CFAP47: variants seen among roughly 807,000 people sequenced by gnomAD.
CFAP47 encodes cilia and flagella associated protein 47, also known as cilia- and flagella-associated protein 47.
Under a neutral mutation model 148.1 loss-of-function variants are expected in CFAP47, and 29 were observed. The ratio of observed to expected loss-of-function variants is 0.20; its 90% CI spans 0.15 to 0.27. The LOEUF (loss-of-function observed/expected upper bound fraction) is 0.27. Among genes scored for constraint, CFAP47 ranks in the 10% least tolerant of loss-of-function variants. CFAP47 has a pLI of 1.00. For missense variants in CFAP47, 1,872 were observed against 1,697.5 expected (o/e 1.10, Z -1.81); for synonymous variants, 664 against 577.3 (o/e 1.15, Z -2.15).
At chrX:36,009,699 G>A (rs1330543632) in intron 21 of CFAP47, among the ~76,000 whole-genome samples, 1 of 111,934 alleles carries the variant, frequency 8.9e-6, no homozygotes, top group African/African-American at 3.3e-5. Flanking sequence ...AATTGGCAGT[G>A]GTACAGCCAG....
Position 36,104,670 on chromosome X carries a change from A to T in CFAP47, c.5299A>T (p.Ile1767Leu). 2.3e-6 allele frequency: 2 copies of T among 870,834 alleles called. No individual in the cohort carries two copies. The highest frequency in any genetic ancestry group is 3.9e-5 in the African/African-American group (2 of 50,727). The allele number at this position is 870,834 out of a possible 1,213,427, so 71.8% of individuals were successfully genotyped here. A position where few individuals can be genotyped will look rare whatever the true frequency, so the allele number is the denominator to read the frequency against. ...NINYENTRHV[I>L]WKNCHKDVIP... Reference sequence around the variant, plus strand: ...AAATTATGAGAATACTCGACATGTGATATGGAAAAACTGTCACAAAGGTGA... The same window carrying T: ...AAATTATGAGAATACTCGACATGTGTTATGGAAAAACTGTCACAAAGGTGA... Residue 1767 changes from isoleucine to leucine, a missense_variant, in exon 33 of 64, where the codon ATA (isoleucine) becomes TTA (leucine). Transcript: ENST00000378653.
chrX:36,323,302 GCTAAA>G (rs1435913010), intron 57 of CFAP47, among the ~76,000 whole-genome samples: 2 of 108,716 alleles, frequency 1.8e-5, no homozygotes, highest in Non-Finnish European at 3.8e-5. Context: ...GAAATACTTG[GCTAAA>G]CAAAGTTTAT....
intron 47 of CFAP47, among the ~76,000 whole-genome samples, chrX:36,236,353 C>G (rs868970705): frequency 1.8e-5 from 2 of 111,943 alleles, no homozygotes; most frequent in Middle Eastern, 4.9e-3. Flanking sequence ...CTTTTCCTTC[C>G]TATTCATTAA....
At chrX:35,991,770 T>C (rs778691405) in intron 16 of CFAP47, 51 bp from the exon 17 acceptor site, 9 of 289,675 alleles carry the variant, frequency 3.1e-5, no homozygotes, top group African/African-American at 2.5e-4. Flanking sequence ...ACAAAGTATT[T>C]TATTTACCAT....
At chrX:36,137,896 A>G in intron 33 of CFAP47, 62 bp from the exon 34 acceptor site, 1 of 468,498 alleles carries the variant, frequency 2.1e-6, no homozygotes, top group East Asian at 3.9e-5. Context: ...TCAAATTTCC[A>G]TAGGTATCTT....
intron 57 of CFAP47, among the ~76,000 whole-genome samples, chrX:36,341,666 T>G (rs1442996961): frequency 2.7e-5 from 3 of 110,684 alleles, no homozygotes; most frequent in Non-Finnish European, 5.7e-5. Context: ...AATAGCAGTT[T>G]TAAATATACA....
chrX:36,218,624 A>G (rs782657162), intron 45 of CFAP47, among the ~76,000 whole-genome samples: 1 of 111,818 alleles, frequency 8.9e-6, no homozygotes, highest in African/African-American at 3.2e-5. Context: ...AACTCTGTGA[A>G]ATATTTAAAG....
At chrX:35,945,489 A>G (rs189812195) in intron 3 of CFAP47, among the ~76,000 whole-genome samples, 6 of 111,117 alleles carry the variant, frequency 5.4e-5, no homozygotes, top group Admixed American at 4.8e-4. Flanking sequence ...AGTTTTCTCA[A>G]ACTTAACAGC....
chrX:36,181,492 A>C (rs1939749636), intron 40 of CFAP47, among the ~76,000 whole-genome samples: 1 of 111,993 alleles, frequency 8.9e-6, no homozygotes, highest in Non-Finnish European at 1.9e-5. Context: ...AATATAGCTT[A>C]AGAAGTGTGC....
intron 2 of CFAP47, among the ~76,000 whole-genome samples, chrX:35,933,243 G>A (rs961596047): frequency 5.1e-5 from 5 of 98,536 alleles, no homozygotes; most frequent in Non-Finnish European, 1.0e-4. Flanking sequence ...CCTAGCCTCT[G>A]GTAACCATCC....
intron 49 of CFAP47, among the ~76,000 whole-genome samples, chrX:36,270,987 G>A (rs912451748): frequency 7.2e-5 from 8 of 110,387 alleles, no homozygotes; most frequent in Non-Finnish European, 1.3e-4. Context: ...CATCAGCCAT[G>A]TAATTTTGTT....
chrX:36,133,238 T>A (rs192601828), intron 33 of CFAP47, among the ~76,000 whole-genome samples: 1 of 111,231 alleles, frequency 9.0e-6, no homozygotes. Flanking sequence ...CTAAAGTGAG[T>A]CTGGAGAATG....
chrX:36,072,423 A>G (rs909554165), intron 28 of CFAP47, among the ~76,000 whole-genome samples: 4 of 112,177 alleles, frequency 3.6e-5, no homozygotes, highest in Non-Finnish European at 7.5e-5. Context: ...TTCGTTGTCT[A>G]ACTAACTGTA....
chrX:36,159,608 T>C (rs1939406177), intron 38 of CFAP47, 32 bp downstream of exon 38: 2 of 296,130 alleles, frequency 6.8e-6, no homozygotes, highest in Non-Finnish European at 1.2e-5. Flanking sequence ...TGTCTTTGCT[T>C]CTCTTATCAG....
At chrX:36,161,021 T>C (rs1364608097) in intron 39 of CFAP47, among the ~76,000 whole-genome samples, 2 of 109,814 alleles carry the variant, frequency 1.8e-5, no homozygotes, top group African/African-American at 6.6e-5. Context: ...CTAATTTTTG[T>C]ATTTTTAGTA....
chrX:36,371,968 G>A (rs983621670), intron 62 of CFAP47, among the ~76,000 whole-genome samples: 2 of 99,094 alleles, frequency 2.0e-5, no homozygotes, highest in Non-Finnish European at 4.1e-5. Context: ...ATACACACAT[G>A]TGTATATGTG....
chrX:35,987,213 T>A (rs771012734), intron 15 of CFAP47, among the ~76,000 whole-genome samples: 2 of 111,677 alleles, frequency 1.8e-5, no homozygotes, highest in East Asian at 5.7e-4. Flanking sequence ...CACAGCTGCC[T>A]CTTTCCCCAG....
chrX:36,099,233 CG>C (rs964923725), intron 31 of CFAP47, among the ~76,000 whole-genome samples: 1 of 111,297 alleles, frequency 9.0e-6, no homozygotes, highest in African/African-American at 3.3e-5. Flanking sequence ...TTTTCTTCTT[CG>C]TTTTCAGGGG....
rs184755157 is a variant in CFAP47 at position 35,921,293 on chromosome X, T to G, written c.249+1245T>G. Among the ~76,000 whole-genome samples, 762 of 112,123 alleles carry G rather than the reference T, an allele frequency of 6.8e-3. 4 individuals are homozygous for G. The highest frequency in any genetic ancestry group is 0.012 in the Non-Finnish European group (622 of 53,193). Reference sequence around the variant, plus strand: ...ATAAATGGAATCAGGTTTTAATGATTTTCATATTTAAATATTTTTATTAAA... The same window carrying G: ...ATAAATGGAATCAGGTTTTAATGATGTTCATATTTAAATATTTTTATTAAA... On this transcript the variant is annotated intron_variant, in intron 1 of 63. Coordinates refer to ENST00000378653, the MANE Select transcript of CFAP47 (RefSeq NM_001304548.2).
Sources: allele counts gnomAD v4.1 joint callset (sites outside exome capture counted in the v4.1 genomes callset), GRCh38; gene constraint gnomAD v4.1.1; transcripts MANE v1.5; gene names NCBI Gene and HGNC (gene_info 2026-07-23, HGNC 2026-07-21).